NDUFAF6: variants seen among roughly 807,000 people sequenced by gnomAD.
NDUFAF6 encodes the protein NADH:ubiquinone oxidoreductase complex assembly factor 6.
NDUFAF6 carries 45 observed loss-of-function variants against 40.8 expected under a neutral mutation model. That is an observed-to-expected ratio of 1.10 (90% CI 0.87 to 1.42). The LOEUF (loss-of-function observed/expected upper bound fraction) is 1.42, where lower values mean the gene tolerates loss of function less well. Among genes scored for constraint, NDUFAF6 ranks in the 40% most tolerant of loss-of-function variants. NDUFAF6 has a pLI of 0.00. For synonymous variants in NDUFAF6, 185 were observed against 155.9 expected (o/e 1.19, Z -1.39); for missense variants, 435 against 418.5 (o/e 1.04, Z -0.34).
chr8:95,032,028 G>A lies in NDUFAF6; in HGVS notation c.231G>A (p.Leu77=). The part of the protein sequence containing the change: ...KRDYEGYLCS[L]LLPAESRSSV... Reference sequence around the variant, plus strand: ...ATTATGAAGGTTATTTATGCTCCCTGCTGCTCCCTGCAGAATCCCGAAGCT... The same window carrying A: ...ATTATGAAGGTTATTTATGCTCCCTACTGCTCCCTGCAGAATCCCGAAGCT... The change falls in exon 2 of 9, where the codon CTG becomes CTA. Residue 77 remains leucine, a synonymous_variant. Coordinates refer to ENST00000396124, the MANE Select transcript of NDUFAF6 (RefSeq NM_152416.4). The A allele has an allele frequency of 6.2e-7, 1 of 1,614,138 alleles. No individual in the cohort carries two copies.
At chr8:94,930,365 T>A (rs1423681262) in intron 1 of NDUFAF6, 10 of 1,417,104 alleles carry the variant, frequency 7.1e-6, no homozygotes, top group Admixed American at 2.0e-5. Flanking sequence ...CTGATAAAAC[T>A]ATGTGATTGG....
chr8:95,058,772 C>G, downstream of NDUFAF6: 1 of 987,152 alleles, frequency 1.0e-6, no homozygotes, highest in Non-Finnish European at 1.2e-6. Context: ...TGTATACTTG[C>G]ATCAGTGTTC....
At chr8:95,061,904 T>C (rs922403110), downstream of NDUFAF6, among the ~76,000 whole-genome samples, 1 of 152,106 alleles carries the variant, frequency 6.6e-6, no homozygotes, top group African/African-American at 2.4e-5. Flanking sequence ...ATGCCTGTAA[T>C]CCTAGCACTT....
At chr8:95,023,253 C>G (rs1827770444), upstream of NDUFAF6, 1 of 152,154 alleles carries the variant, frequency 6.6e-6, no homozygotes, top group Non-Finnish European at 1.5e-5. Context: ...CTGTCCTGGA[C>G]CAGTCACTGG....
chr8:94,935,118 G>A (rs200589699), intron 1 of NDUFAF6, among the ~76,000 whole-genome samples: 1 of 133,300 alleles, frequency 7.5e-6, no homozygotes, highest in South Asian at 2.5e-4. Flanking sequence ...TAGGTACATA[G>A]GTAGATAGAT....
At chr8:94,993,803 A>T (rs1213268615) in intron 2 of NDUFAF6, among the ~76,000 whole-genome samples, 1 of 152,218 alleles carries the variant, frequency 6.6e-6, no homozygotes, top group Non-Finnish European at 1.5e-5. Flanking sequence ...TAAGCCACTA[A>T]AACATGATTA....
intron 4 of NDUFAF6, among the ~76,000 whole-genome samples, chr8:95,043,732 A>G (rs1340044541): frequency 1.3e-5 from 2 of 152,236 alleles, no homozygotes; most frequent in Non-Finnish European, 2.9e-5. Context: ...GATGCACGAT[A>G]ACAAGTATTG....
In NDUFAF6 at chr8:94,902,335, C is replaced by T. The variant is rs531620408; in HGVS notation, c.-936+6408C>T. Among the ~76,000 whole-genome samples, 24 of 151,408 alleles carry T rather than the reference C, an allele frequency of 1.6e-4. No homozygotes were observed. The South Asian group carries it at 4.8e-3, about 30-fold the overall frequency. ...TCCGGAAGCTAAGGCACAAGAATTG[C>T]TTGAACCCAGGAGGTGGACATTGCA... On this transcript the variant is annotated intron_variant, in intron 1 of 14. Transcript: ENST00000396113.
intron 9 of NDUFAF6, among the ~76,000 whole-genome samples, chr8:95,071,403 G>GAA (rs10583999): frequency 0.012 from 1,241 of 105,474 alleles, 19 homozygotes; most frequent in Non-Finnish European, 0.019. Flanking sequence ...GTCTCCAAAA[G>GAA]AAAAAAAAAA....
intron 2 of NDUFAF6, among the ~76,000 whole-genome samples, chr8:95,016,994 C>T (rs1377632956): frequency 6.8e-6 from 1 of 147,142 alleles, no homozygotes; most frequent in Non-Finnish European, 1.5e-5. Flanking sequence ...AGTGCAGCAG[C>T]ACAATCATGG....
intron 7 of NDUFAF6, among the ~76,000 whole-genome samples, chr8:95,050,514 A>C (rs1409568223): frequency 6.6e-6 from 1 of 152,228 alleles, no homozygotes; most frequent in Non-Finnish European, 1.5e-5. Flanking sequence ...TAGTTTCCTC[A>C]TCTGTAGTAG....
intron 1 of NDUFAF6, among the ~76,000 whole-genome samples, chr8:94,933,763 AAAAAAAACCCCC>A (rs1343529533): frequency 3.4e-5 from 5 of 146,210 alleles, no homozygotes; most frequent in South Asian, 4.4e-4. Context: ...AGACTCTCTC[AAAAAAAACCCCC>A]AAAAAAACCA....
intron 4 of NDUFAF6, among the ~76,000 whole-genome samples, chr8:95,112,278 C>T (rs58163185): frequency 1.8e-4 from 27 of 152,232 alleles, no homozygotes; most frequent in African/African-American, 6.5e-4. Context: ...TTTAAAAAAC[C>T]GTTCTTTGCA....
chr8:95,045,597 A>T lies in NDUFAF6; in HGVS notation c.530A>T (p.Tyr177Phe), dbSNP rs375505575. 1.2e-6 allele frequency: 2 copies of T among 1,613,504 alleles called. No homozygotes were observed. The highest frequency in any genetic ancestry group is 1.7e-6 in the Non-Finnish European group (2 of 1,179,732). The change falls in exon 5 of 9, where the codon TAT (tyrosine) becomes TTT (phenylalanine). Residue 177 changes from tyrosine to phenylalanine, a missense_variant. Physicochemically the swap from Tyr to Phe is conservative, Grantham distance 22. Coordinates refer to ENST00000396124, the MANE Select transcript of NDUFAF6 (RefSeq NM_152416.4). Reference sequence around the variant, plus strand: ...CGTAATATCAAGGAACTGGAAAATTATGCTGAAAACACACAGAGCTCTCTT... The same window carrying T: ...CGTAATATCAAGGAACTGGAAAATTTTGCTGAAAACACACAGAGCTCTCTT... ...AYRNIKELEN[Y>F]AENTQSSLLY...
chr8:95,057,787 A>G (rs770089630), intron 8 of NDUFAF6, 22 bp from the exon 9 acceptor site: 25 of 1,577,602 alleles, frequency 1.6e-5, no homozygotes, highest in Non-Finnish European at 2.2e-5. Context: ...TGATCTGGTG[A>G]TCACTATTCT....
chr8:95,038,767 T>C (rs1019905386), intron 3 of NDUFAF6, among the ~76,000 whole-genome samples: 3 of 152,102 alleles, frequency 2.0e-5, no homozygotes, highest in Non-Finnish European at 2.9e-5. Context: ...AACGTCTGCT[T>C]CCTGGGTTCA....
At chr8:95,098,701 A>C (rs1485271681), upstream of NDUFAF6, among the ~76,000 whole-genome samples, 1 of 151,706 alleles carries the variant, frequency 6.6e-6, no homozygotes, top group African/African-American at 2.4e-5. Context: ...TCTTATTAAA[A>C]ACTCTATGAA....
chr8:95,029,164 C>T (rs1828530698), intron 1 of NDUFAF6, among the ~76,000 whole-genome samples: 1 of 152,090 alleles, frequency 6.6e-6, no homozygotes, highest in African/African-American at 2.4e-5. Flanking sequence ...GGATGAGGCC[C>T]AGGTTAGACT....
At chr8:94,976,151 A>G (rs1397013581) in intron 1 of NDUFAF6, among the ~76,000 whole-genome samples, 2 of 139,408 alleles carry the variant, frequency 1.4e-5, no homozygotes, top group African/African-American at 5.4e-5. Context: ...GTGAGCCGAG[A>G]TCGTGCCACT....
Sources: gnomAD v4.1 joint callset for allele counts (sites outside exome capture counted in the v4.1 genomes callset) on GRCh38, gnomAD v4.1.1 for gene constraint, MANE v1.5 for transcripts, NCBI Gene and HGNC (gene_info 2026-07-23, HGNC 2026-07-21) for gene names.